KLHL1: variants seen among roughly 807,000 people sequenced by gnomAD.
The protein encoded by KLHL1 is kelch-like protein 1.
A neutral mutation model predicts 77.7 loss-of-function variants in KLHL1; 47 were observed. The ratio of observed to expected loss-of-function variants is 0.60; its 90% CI spans 0.48 to 0.77. KLHL1 has a LOEUF of 0.77. Among genes scored for constraint, KLHL1 ranks in the 30% least tolerant of loss-of-function variants. The probability of loss-of-function intolerance (pLI) is 0.00; values close to 1 mark genes in which losing one functional copy is unlikely to be tolerated. For missense variants in KLHL1, 925 were observed against 910.8 expected (o/e 1.02, Z -0.20); for synonymous variants, 360 against 325.2 (o/e 1.11, Z -1.15).
chr13:69,776,841 T>C (rs2137993504), intron 7 of KLHL1, among the ~76,000 whole-genome samples: 1 of 152,324 alleles, frequency 6.6e-6, no homozygotes, highest in East Asian at 1.9e-4. Context: ...TAACAGCTCT[T>C]TCTGTGTGAT....
Position 69,787,648 on chromosome 13 carries a change from G to A in KLHL1, c.1639+9090C>T, listed in dbSNP as rs143070009. The stretch of plus-strand genomic sequence containing the variant: ...CCAAAAGCAATGGCAACTAAAGCCA[G>A]AATTGACAAATGGGATCTAATTAAA... On this transcript the variant is annotated intron_variant, in intron 7 of 10. Transcript: ENST00000377844. 7.9e-3 allele frequency among the ~76,000 whole-genome samples: 1,202 copies of A among 152,168 alleles called. 14 individuals carry two copies. The highest frequency in any genetic ancestry group is 0.027 in the African/African-American group (1,129 of 41,514).
chr13:70,037,564 A>G (rs777418688), intron 1 of KLHL1, among the ~76,000 whole-genome samples: 22 of 152,014 alleles, frequency 1.4e-4, no homozygotes, highest in Admixed American at 1.3e-4. Flanking sequence ...TTATTTCTAA[A>G]TAACTTTTAC....
chr13:70,008,046 C>T (rs10507777), intron 1 of KLHL1, among the ~76,000 whole-genome samples: 20,857 of 151,786 alleles, frequency 0.14, 2,837 homozygotes, highest in African/African-American at 0.36. Flanking sequence ...TGATGATTGG[C>T]TCTTACTATT....
At chr13:69,786,100 C>A (rs545346366) in intron 7 of KLHL1, among the ~76,000 whole-genome samples, 1 of 152,150 alleles carries the variant, frequency 6.6e-6, no homozygotes, top group Non-Finnish European at 1.5e-5. Context: ...TGGTACCATT[C>A]CTTCTGAAAC....
At chr13:70,004,753 T>G (rs192539700) in intron 1 of KLHL1, among the ~76,000 whole-genome samples, 16 of 151,936 alleles carry the variant, frequency 1.1e-4, no homozygotes, top group Admixed American at 2.0e-4. Flanking sequence ...CAAATAACTT[T>G]ATTATATGAA....
chr13:69,732,247 A>C (rs894682003), intron 8 of KLHL1, among the ~76,000 whole-genome samples: 2 of 152,250 alleles, frequency 1.3e-5, no homozygotes, highest in African/African-American at 4.8e-5. Context: ...CATTAACGTA[A>C]GTATGTGCTA....
intron 5 of KLHL1, among the ~76,000 whole-genome samples, chr13:69,871,719 C>T (rs1323581602): frequency 1.3e-5 from 2 of 150,496 alleles, no homozygotes; most frequent in African/African-American, 2.5e-5. Context: ...GGACACAATT[C>T]GGCCAACTTT....
chr13:69,895,050 C>G (rs1230314771), intron 4 of KLHL1: 1 of 499,190 alleles, frequency 2.0e-6, no homozygotes, highest in Non-Finnish European at 4.0e-6. Flanking sequence ...CTACTGATGT[C>G]AGAGTCTCCT....
chr13:69,738,198 G>A (rs933946361), intron 8 of KLHL1, among the ~76,000 whole-genome samples: 2 of 152,132 alleles, frequency 1.3e-5, no homozygotes, highest in Middle Eastern at 3.4e-3. Context: ...AAGCAACAAC[G>A]ACAACATCAA....
chr13:69,796,605 A>T, intron 7 of KLHL1, 133 bp downstream of exon 7: 1 of 692,682 alleles, frequency 1.4e-6, no homozygotes, highest in Non-Finnish European at 2.4e-6. Context: ...TTTCTATGTT[A>T]ATTACCCAGG....
intron 4 of KLHL1, among the ~76,000 whole-genome samples, chr13:69,921,501 T>C (rs188449849): frequency 2.0e-5 from 3 of 152,296 alleles, no homozygotes; most frequent in African/African-American, 7.2e-5. Context: ...TCCAGATCCA[T>C]GCAATCAATC....
chr13:69,740,415 C>A lies in KLHL1; in HGVS notation c.1781G>T (p.Gly594Val). The A allele has an allele frequency of 1.9e-6, 3 of 1,603,748 alleles. No homozygotes were observed. Among genetic ancestry groups the A allele is most frequent in the Non-Finnish European group, 2.6e-6 (3 of 1,173,326 alleles). The change falls in exon 8 of 11, where the codon GGT (glycine) becomes GTT (valine). Residue 594 changes from glycine (G) to valine (V), a missense_variant. Transcript: ENST00000377844. The stretch of plus-strand genomic sequence containing the variant: ...TTACTTGCCATTCAATGCTGCTACA[C>A]CAACTGTGCTCCGAGCAATTGACAT... ...ASMSIARSTV[G>V]VAALNGKLYS...
intron 1 of KLHL1, among the ~76,000 whole-genome samples, chr13:70,037,341 A>G (rs541489436): frequency 6.6e-6 from 1 of 152,202 alleles, no homozygotes; most frequent in South Asian, 2.1e-4. Flanking sequence ...TTCTATAAGC[A>G]CGTTGAACAT....
chr13:69,855,854 TATATA>T (rs200083456), intron 5 of KLHL1, among the ~76,000 whole-genome samples: 1,284 of 127,254 alleles, frequency 0.01, 12 homozygotes, highest in East Asian at 0.045. Flanking sequence ...TTATATATGT[TATATA>T]ATATATTATA....
intron 4 of KLHL1, among the ~76,000 whole-genome samples, chr13:69,921,556 A>C (rs1461627029): frequency 1.3e-5 from 2 of 152,180 alleles, no homozygotes; most frequent in Non-Finnish European, 2.9e-5. Flanking sequence ...ACGTGGCCAT[A>C]CCAACGCATT....
chr13:69,862,232 A>G (rs1190508180), intron 5 of KLHL1, among the ~76,000 whole-genome samples: 1 of 151,910 alleles, frequency 6.6e-6, no homozygotes, highest in Non-Finnish European at 1.5e-5. Flanking sequence ...GATAGAGGGA[A>G]TACAGTTCCC....
chr13:69,919,371 C>A (rs975211866), intron 4 of KLHL1, among the ~76,000 whole-genome samples: 1 of 152,052 alleles, frequency 6.6e-6, no homozygotes, highest in African/African-American at 2.4e-5. Context: ...TTAGGACAGA[C>A]ATAAATTTTT....
At chr13:70,070,767 G>A (rs896056627) in intron 1 of KLHL1, among the ~76,000 whole-genome samples, 2 of 152,062 alleles carry the variant, frequency 1.3e-5, no homozygotes, top group African/African-American at 4.8e-5. Flanking sequence ...CTAACTAACT[G>A]ATAATGATGT....
intron 2 of KLHL1, among the ~76,000 whole-genome samples, chr13:69,975,352 C>G (rs1884513031): frequency 6.6e-6 from 1 of 151,814 alleles, no homozygotes; most frequent in African/African-American, 2.4e-5. Context: ...AGTTATCAAC[C>G]CTAGTTACAA....
Sources: allele counts gnomAD v4.1 joint callset (sites outside exome capture counted in the v4.1 genomes callset), GRCh38; gene constraint gnomAD v4.1.1; transcripts MANE v1.5; gene names NCBI Gene and HGNC (gene_info 2026-07-23, HGNC 2026-07-21).